The following GALNT2 variants were observed in gnomAD, a reference collection of about 807,000 sequenced individuals.
The protein encoded by GALNT2 is polypeptide N-acetylgalactosaminyltransferase 2, also known as UDP-GalNAc:polypeptide N-acetylgalactosaminyltransferase 2.
In GALNT2, 31 loss-of-function variants were observed where a neutral mutation model predicts 81.4. The observed-to-expected ratio is 0.38, with a 90% confidence interval of 0.29 to 0.51. The LOEUF (loss-of-function observed/expected upper bound fraction) is 0.51, where lower values mean the gene tolerates loss of function less well. GALNT2 is among the 20% of genes least tolerant of loss of function. GALNT2 has a pLI of 0.87. For missense variants in GALNT2, 629 were observed against 765.7 expected (o/e 0.82, Z 2.11); for synonymous variants, 303 against 287.4 (o/e 1.05, Z -0.55).
chr1:230,236,609 G>A, intron 5 of GALNT2, 51 bp from the exon 6 acceptor site: 2 of 1,565,890 alleles, frequency 1.3e-6, no homozygotes, highest in South Asian at 1.1e-5. Flanking sequence ...TGAATGCAAA[G>A]CCCTTTATGA....
intron 9 of GALNT2, 28 bp downstream of exon 9, chr1:230,249,299 C>G: frequency 6.3e-7 from 1 of 1,597,054 alleles, no homozygotes. Context: ...TCAGGGTGCC[C>G]CTCCCAGATG....
rs1182377190 is a variant in GALNT2, at chr1:230,279,966, C to T, written c.*508C>T. On this transcript the variant is annotated 3_prime_UTR_variant, in exon 16 of 16. Transcript: ENST00000366672. The surrounding 1 kb of genome is among the most constrained non-coding windows in gnomAD (Gnocchi z 4.6). ...ACGTCAATAGTCCCTCTCTCTGCTC[C>T]TCCATTCGCAAGTGTCTTCCTGGGC... The T allele has an allele frequency of 4.4e-6, 2 of 456,146 alleles. No individual in the cohort carries two copies. Among genetic ancestry groups the T allele is most frequent in the South Asian group, 3.1e-5 (2 of 64,572 alleles). 28.3% of individuals were successfully genotyped at this position (456,146 alleles called of 1,614,324 possible).
intron 1 of GALNT2, among the ~76,000 whole-genome samples, chr1:230,115,152 C>T (rs1660808774): frequency 6.6e-6 from 1 of 151,990 alleles, no homozygotes; most frequent in Admixed American, 6.6e-5. Context: ...ATTACAAGCT[C>T]CTGCCACCAC....
Position 230,129,035 on chromosome 1 carries a change from C to T in GALNT2, c.127-49183C>T, listed in dbSNP as rs1661284875. Among the ~76,000 whole-genome samples the T allele has an allele frequency of 2.0e-5, 3 of 152,236 alleles. No individual in the cohort carries two copies. The South Asian group carries it at 6.2e-4, about 31-fold the overall frequency. ...GTGAAGCACACACCCTGCTTTTACTCAGTGGCCAAATGCCGCCGCTAGCGA... is the reference window on the plus strand; with the variant it reads ...GTGAAGCACACACCCTGCTTTTACTTAGTGGCCAAATGCCGCCGCTAGCGA... On this transcript the variant is annotated intron_variant, in intron 1 of 15. Coordinates refer to ENST00000366672, the MANE Select transcript of GALNT2 (RefSeq NM_004481.5).
chr1:230,072,465 G>A (rs1659405680), intron 1 of GALNT2, among the ~76,000 whole-genome samples: 1 of 152,136 alleles, frequency 6.6e-6, no homozygotes, highest in South Asian at 2.1e-4. Context: ...GGGAAGCTAG[G>A]TATTCCTGGG....
chr1:230,095,160 C>A (rs1660215412), intron 1 of GALNT2, among the ~76,000 whole-genome samples: 1 of 152,028 alleles, frequency 6.6e-6, no homozygotes, highest in Non-Finnish European at 1.5e-5. Flanking sequence ...GCAGGGAGAG[C>A]TAGTGCAGAA....
intron 6 of GALNT2, among the ~76,000 whole-genome samples, chr1:230,237,992 T>C (rs1188238538): frequency 6.6e-6 from 1 of 152,266 alleles, no homozygotes; most frequent in Non-Finnish European, 1.5e-5. Context: ...TCCGCTAGAA[T>C]GTTCATTTCG....
At chr1:230,235,451 C>T (rs1335506942) in intron 3 of GALNT2, among the ~76,000 whole-genome samples, 1 of 152,196 alleles carries the variant, frequency 6.6e-6, no homozygotes, top group Non-Finnish European at 1.5e-5. Flanking sequence ...CCATCTTCAT[C>T]TCACCACTGC....
At position 230,067,347 on chromosome 1, in the gene GALNT2, A is replaced by G. The variant is rs1298817264; in HGVS notation, c.67A>G (p.Met23Val). Residue 23 changes from methionine to valine, a missense_variant, in exon 1 of 16, where the codon ATG becomes GTG. Physicochemically the swap from Met to Val is conservative, Grantham distance 21 (BLOSUM62 1). This residue lies in a region of GALNT2 where 62 missense variants were observed against 47.3 expected (regional missense o/e 1.31). Coordinates refer to ENST00000366672, the MANE Select transcript of GALNT2 (RefSeq NM_004481.5). The part of the protein sequence containing the change: ...FLWVLGIAYY[M>V]YSGGGSALAG... ...GTGGGTGCTGGGCATCGCCTACTACATGTACTCGGGGGGCGGCTCTGCGCT... is the reference window on the plus strand; with the variant it reads ...GTGGGTGCTGGGCATCGCCTACTACGTGTACTCGGGGGGCGGCTCTGCGCT... 1.5e-6 allele frequency: 2 copies of G among 1,374,844 alleles called. No individual in the cohort carries two copies. Among genetic ancestry groups the G allele is most frequent in the East Asian group, 3.3e-5 (1 of 30,364 alleles). 85.2% of individuals were successfully genotyped at this position (1,374,844 alleles called of 1,614,324 possible).
At chr1:230,184,837 C>G (rs1663270469) in intron 2 of GALNT2, among the ~76,000 whole-genome samples, 1 of 152,106 alleles carries the variant, frequency 6.6e-6, no homozygotes, top group Non-Finnish European at 1.5e-5. Context: ...GTTCCTTTCT[C>G]TCTTTCTTCT....
At chr1:230,175,888 TCTGA>T (rs1368186567) in intron 1 of GALNT2, among the ~76,000 whole-genome samples, 2 of 151,946 alleles carry the variant, frequency 1.3e-5, no homozygotes, top group Non-Finnish European at 2.9e-5. Flanking sequence ...TCATTCCCAC[TCTGA>T]CTTACATAAA....
chr1:230,095,071 G>T (rs977969883), intron 1 of GALNT2, among the ~76,000 whole-genome samples: 1 of 152,014 alleles, frequency 6.6e-6, no homozygotes, highest in South Asian at 2.1e-4. Flanking sequence ...GTCCTCATAC[G>T]GTTCCTTTCT....
chr1:230,153,784 C>G (rs1251371047), intron 1 of GALNT2, among the ~76,000 whole-genome samples: 1 of 152,260 alleles, frequency 6.6e-6, no homozygotes, highest in Non-Finnish European at 1.5e-5. Flanking sequence ...GTTCCCACTC[C>G]TGGGCCTCCT....
chr1:230,133,539 C>A (rs1286813282), intron 1 of GALNT2, among the ~76,000 whole-genome samples: 1 of 151,718 alleles, frequency 6.6e-6, no homozygotes, highest in Non-Finnish European at 1.5e-5. Context: ...CTGCAACCTC[C>A]ACCTCCCGGG....
rs527658861 is a variant in GALNT2, at chr1:230,216,140, C to G, written c.374+12850C>G. Among the ~76,000 whole-genome samples, 511 of 152,252 alleles carry G rather than the reference C, an allele frequency of 3.4e-3. 2 individuals carry two copies. The highest frequency in any genetic ancestry group is 0.012 in the African/African-American group (492 of 41,534). Reference sequence around the variant, plus strand: ...TGATAAATGAGATCAATCTTCGAGTCCTAACAAACTGTCCTACTTCAACTA... The same window carrying G: ...TGATAAATGAGATCAATCTTCGAGTGCTAACAAACTGTCCTACTTCAACTA... On this transcript the variant is annotated intron_variant, in intron 3 of 15. Coordinates refer to ENST00000366672, the MANE Select transcript of GALNT2 (RefSeq NM_004481.5).
At chr1:230,273,951 G>C (rs1183021658) in intron 14 of GALNT2, among the ~76,000 whole-genome samples, 1 of 152,158 alleles carries the variant, frequency 6.6e-6, no homozygotes, top group Non-Finnish European at 1.5e-5. Context: ...GATATATTTT[G>C]CTTACATATG....
chr1:230,065,301 T>C (rs72646695), upstream of GALNT2, among the ~76,000 whole-genome samples: 2 of 152,220 alleles, frequency 1.3e-5, no homozygotes, highest in Non-Finnish European at 2.9e-5. Context: ...TAATTATTCT[T>C]TGTTTCTGGG....
chr1:230,108,653 T>G (rs1050038856), intron 1 of GALNT2, among the ~76,000 whole-genome samples: 2 of 152,232 alleles, frequency 1.3e-5, no homozygotes, highest in Admixed American at 6.5e-5. Flanking sequence ...CTATCAAGCA[T>G]CATAGCTTAG....
intron 2 of GALNT2, among the ~76,000 whole-genome samples, chr1:230,182,388 T>A (rs1663188952): frequency 6.6e-6 from 1 of 152,228 alleles, no homozygotes; most frequent in Non-Finnish European, 1.5e-5. Context: ...TTGGAAGCAC[T>A]GCTTTTGCTG....
Sources: allele counts gnomAD v4.1 joint callset (sites outside exome capture counted in the v4.1 genomes callset), GRCh38; gene constraint gnomAD v4.1.1; regional missense constraint gnomAD v4.1.1; non-coding constraint Gnocchi (gnomAD v3.1); transcripts MANE v1.5; gene names NCBI Gene and HGNC (gene_info 2026-07-23, HGNC 2026-07-21).